ASXL3: variants seen among roughly 807,000 people sequenced by gnomAD.
The protein encoded by ASXL3 is putative Polycomb group protein ASXL3.
A neutral mutation model predicts 170.6 loss-of-function variants in ASXL3; 34 were observed. That is an observed-to-expected ratio of 0.20 (90% CI 0.15 to 0.27). ASXL3 has a LOEUF of 0.27. Ranked by LOEUF, ASXL3 falls within the 10% of genes least tolerant of loss-of-function variation. The probability of loss-of-function intolerance (pLI) is 1.00; values close to 1 mark genes in which losing one functional copy is unlikely to be tolerated. For synonymous variants in ASXL3, 1,002 were observed against 989.1 expected, an observed-to-expected ratio of 1.01 and a Z score of -0.24; for missense variants, 2,592 against 2,695.3, an observed-to-expected ratio of 0.96 and a Z score of 0.85.
intron 5 of ASXL3, among the ~76,000 whole-genome samples, chr18:33,664,375 A>G (rs941255686): frequency 2.6e-5 from 4 of 152,164 alleles, no homozygotes; most frequent in African/African-American, 9.7e-5. Flanking sequence ...GAGTTGTTAT[A>G]TAGCATATGG....
chr18:33,741,938 ATGC>A (rs1223875166), intron 11 of ASXL3, among the ~76,000 whole-genome samples: 1 of 152,230 alleles, frequency 6.6e-6, no homozygotes, highest in Non-Finnish European at 1.5e-5. Flanking sequence ...TTGCTATGGA[ATGC>A]TGGCTGTTAG....
In ASXL3 at chr18:33,746,665, G is replaced by GAAT. The variant is rs373794636; in HGVS notation, c.*74_*76dup. On this transcript the variant is annotated 3_prime_UTR_variant, in exon 12 of 12. Transcript: ENST00000269197. ...CAAATAGCATCAGCAACAACAAATA[G>GAAT]AATAATGCAGTGGTTTCTATCATGC... is the stretch of plus-strand genomic sequence containing the variant. 154 of 1,497,110 alleles carry GAAT rather than the reference G, an allele frequency of 1.0e-4. 1 individual carries two copies. The African/African-American group carries it at 2.0e-3, about 19-fold the overall frequency. 92.7% of individuals were successfully genotyped at this position (1,497,110 alleles called of 1,614,324 possible). A position where few individuals can be genotyped will look rare whatever the true frequency, so the allele number is the denominator to read the frequency against.
rs749958843 is a variant in ASXL3 at position 33,744,658 on chromosome 18, A to C, written c.4810A>C (p.Ser1604Arg). The C allele has an allele frequency of 6.2e-7, 1 of 1,607,850 alleles. No individual in the cohort carries two copies. Among genetic ancestry groups the C allele is most frequent in the Non-Finnish European group, 8.5e-7 (1 of 1,176,612 alleles). ...AACCTGTAGCAATCAGTATAACCCA[A>C]GTAACCGGATTTGCTGGAATGATGA... ...DTTCSNQYNP[S>R]NRICWNDDGM... Residue 1604 changes from serine to arginine, a missense_variant, in exon 12 of 12, where the codon AGT becomes CGT. Around this residue, in one of 4 missense-constraint regions of ASXL3, gnomAD observed 2,246 missense variants for 2,219.6 expected, o/e 1.01. Transcript: ENST00000269197.
rs1468014182 is a variant in ASXL3, at chr18:33,713,229, GTTTTTTTTGTTTTGTTTTGTTT to G, written c.880-18730_880-18709del. Reference sequence around the variant, plus strand: ...GCAGTTAGCAATCTACCACAAGAAGGTTTTTTTTGTTTTGTTTTGTTTTTTTTTTTTTTTTTTTTTTTTTTGA... The same window carrying G: ...GCAGTTAGCAATCTACCACAAGAAGGTTTTTTTTTTTTTTTTTTTTTTTGA... On this transcript the variant is annotated intron_variant, in intron 8 of 11. Transcript: ENST00000269197. 1.1e-3 allele frequency among the ~76,000 whole-genome samples: 91 copies of G among 81,758 alleles called. 12 individuals carry two copies. Among genetic ancestry groups the G allele is most frequent in the African/African-American group, 2.6e-3 (42 of 16,044 alleles). 53.6% of individuals were successfully genotyped at this position (81,758 alleles called of 152,430 possible).
At chr18:33,713,243 G>GTTTT (rs1568343444) in intron 8 of ASXL3, among the ~76,000 whole-genome samples, 9 of 45,488 alleles carry the variant, frequency 2.0e-4, no homozygotes, top group African/African-American at 7.5e-4. Flanking sequence ...TTTTTGTTTT[G>GTTTT]TTTTGTTTTT....
chr18:33,746,351 C>T lies in ASXL3; in HGVS notation c.6503C>T (p.Ala2168Val). The T allele has an allele frequency of 6.2e-7, 1 of 1,613,986 alleles. No homozygotes were observed. Among genetic ancestry groups the T allele is most frequent in the Non-Finnish European group, 8.5e-7 (1 of 1,179,862 alleles). Residue 2168 changes from alanine (A) to valine (V), a missense_variant, in exon 12 of 12, where the codon GCA becomes GTA. By Grantham distance (64) the Ala-to-Val change is moderately conservative. Coordinates refer to ENST00000269197, the MANE Select transcript of ASXL3 (RefSeq NM_030632.3). ...HFGSTSFKRA[A>V]SAIEKSIGIL... ...GGTAGCACGAGTTTCAAAAGGGCAG[C>T]ATCTGCAATTGAAAAGTCCATTGGG... is the stretch of plus-strand genomic sequence containing the variant.
chr18:33,667,705 C>T (rs779266655), intron 5 of ASXL3, among the ~76,000 whole-genome samples: 46 of 152,234 alleles, frequency 3.0e-4, no homozygotes, highest in Non-Finnish European at 5.6e-4. Context: ...TGGTTCTCCC[C>T]GCCCAAGTTA....
intron 8 of ASXL3, among the ~76,000 whole-genome samples, chr18:33,713,252 T>TGTTTTG (rs1171565809): frequency 7.9e-5 from 8 of 100,828 alleles, no homozygotes; most frequent in African/African-American, 3.2e-4. Context: ...TGTTTTGTTT[T>TGTTTTG]TTTTTTTTTT....
At chr18:33,693,039 A>G (rs1008088473) in intron 8 of ASXL3, among the ~76,000 whole-genome samples, 6 of 152,204 alleles carry the variant, frequency 3.9e-5, no homozygotes, top group African/African-American at 7.2e-5. Context: ...TTTAACCTTA[A>G]TTACCCCTTT....
At chr18:33,627,298 A>G (rs1361856516) in intron 2 of ASXL3, among the ~76,000 whole-genome samples, 1 of 152,156 alleles carries the variant, frequency 6.6e-6, no homozygotes, top group Non-Finnish European at 1.5e-5. Flanking sequence ...GTGACAGTGC[A>G]GTCTAGAATG....
rs527895173 is a variant in ASXL3, at chr18:33,745,601, G to T, written c.5753G>T (p.Gly1918Val). 5 of 1,613,958 alleles carry T rather than the reference G, an allele frequency of 3.1e-6. No homozygotes were observed. The South Asian group carries it at 5.5e-5, about 18-fold the overall frequency. ...QNLFHVDKNG[G>V]FHTDAGTSHR... Reference sequence around the variant, plus strand: ...CTATTTCATGTTGACAAGAATGGCGGCTTCCACACTGACGCTGGTACCTCA... The same window carrying T: ...CTATTTCATGTTGACAAGAATGGCGTCTTCCACACTGACGCTGGTACCTCA... The change falls in exon 12 of 12, where the codon GGC becomes GTC. Residue 1918 changes from glycine to valine, a missense_variant. By Grantham distance (109) the Gly-to-Val change is moderately radical (BLOSUM62 -3). Transcript: ENST00000269197.
rs1295048980 is a variant in ASXL3, at chr18:33,749,476, AAGT to A, written c.*2884_*2886del. The stretch of plus-strand genomic sequence containing the variant: ...TTAATCACAAAGGATGTATTTCCCT[AAGT>A]AGCACTTTTGGAGCAGGGGAAGGAA... On this transcript the variant is annotated 3_prime_UTR_variant, in exon 12 of 12. Coordinates refer to ENST00000269197, the MANE Select transcript of ASXL3 (RefSeq NM_030632.3). 2 of 151,970 alleles carry A rather than the reference AAGT, an allele frequency of 1.3e-5. No individual in the cohort carries two copies. Among genetic ancestry groups the A allele is most frequent in the Non-Finnish European group, 2.9e-5 (2 of 67,996 alleles). 9.4% of individuals were successfully genotyped at this position (151,970 alleles called of 1,614,324 possible).
chr18:33,620,086 A>G (rs1039093628), intron 2 of ASXL3, among the ~76,000 whole-genome samples: 1 of 152,090 alleles, frequency 6.6e-6, no homozygotes, highest in Admixed American at 6.6e-5. Context: ...CCCATTTATT[A>G]TACTCCCACT....
chr18:33,626,413 A>G (rs2065604743), intron 2 of ASXL3, among the ~76,000 whole-genome samples: 1 of 152,090 alleles, frequency 6.6e-6, no homozygotes, highest in African/African-American at 2.4e-5. Context: ...GATGGTAGTT[A>G]GACTTATGAA....
chr18:33,747,477 T>C lies in ASXL3; in HGVS notation c.*882T>C, dbSNP rs561771473. 3 of 150,802 alleles carry C rather than the reference T, an allele frequency of 2.0e-5. No homozygotes were observed. In the South Asian group the frequency reaches 6.3e-4, roughly 32 times the overall value. 9.3% of individuals were successfully genotyped at this position (150,802 alleles called of 1,614,324 possible). A position where few individuals can be genotyped will look rare whatever the true frequency, so the allele number is the denominator to read the frequency against. The stretch of plus-strand genomic sequence containing the variant: ...AAATAAGATGCTGTATATGCACACA[T>C]AAATGCATTGATAATGTAAATATCC... On this transcript the variant is annotated 3_prime_UTR_variant, in exon 12 of 12. Coordinates refer to ENST00000269197, the MANE Select transcript of ASXL3 (RefSeq NM_030632.3).
intron 8 of ASXL3, among the ~76,000 whole-genome samples, chr18:33,706,603 G>A (rs1370314132): frequency 6.6e-6 from 1 of 151,816 alleles, no homozygotes; most frequent in Non-Finnish European, 1.5e-5. Context: ...AGCAACACTT[G>A]ACACATTTTT....
At chr18:33,622,790 G>T (rs2065535270) in intron 2 of ASXL3, among the ~76,000 whole-genome samples, 1 of 152,074 alleles carries the variant, frequency 6.6e-6, no homozygotes, top group South Asian at 2.1e-4. Flanking sequence ...ATGTCCCATT[G>T]GTTTAGACAT....
rs1022265524 is a variant in ASXL3, at chr18:33,721,136, C to T, written c.880-10832C>T. ...TTAGAATAAGAGAATTGTTTTCTTT[C>T]GTTAATTGGAGCCTAAGAAATTGCT... On this transcript the variant is annotated intron_variant, in intron 8 of 11. Transcript: ENST00000269197. Among the ~76,000 whole-genome samples, 6 of 151,868 alleles carry T rather than the reference C, an allele frequency of 4.0e-5. No individual in the cohort carries two copies. The South Asian group carries it at 6.2e-4, about 16-fold the overall frequency.
At chr18:33,680,240 A>G (rs1388253526) in intron 7 of ASXL3, among the ~76,000 whole-genome samples, 1 of 152,082 alleles carries the variant, frequency 6.6e-6, no homozygotes, top group Admixed American at 6.5e-5. Flanking sequence ...GCTTTTGAAC[A>G]TCTAAACATA....
Sources: allele counts gnomAD v4.1 joint callset (sites outside exome capture counted in the v4.1 genomes callset), GRCh38; gene constraint gnomAD v4.1.1; regional missense constraint gnomAD v4.1.1; transcripts MANE v1.5; gene names NCBI Gene and HGNC (gene_info 2026-07-23, HGNC 2026-07-21).